The following CADM2 variants were observed in gnomAD, a reference collection of about 807,000 sequenced individuals.
CADM2 encodes immunoglobulin superfamily member 4D.
CADM2 carries 12 observed loss-of-function variants against 49.8 expected under a neutral mutation model. That is an observed-to-expected ratio of 0.24 (90% CI 0.15 to 0.39). CADM2 has a LOEUF of 0.39. Ranked by LOEUF, CADM2 falls within the 10% of genes least tolerant of loss-of-function variation. CADM2 has a pLI of 1.00. For missense variants in CADM2, 378 were observed against 492.3 expected (o/e 0.77, Z 2.20); for synonymous variants, 214 against 175.4 (o/e 1.22, Z -1.74).
chr3:85,345,400 A>G (rs1018714646), intron 1 of CADM2, among the ~76,000 whole-genome samples: 3 of 152,000 alleles, frequency 2.0e-5, no homozygotes, highest in Non-Finnish European at 4.4e-5. Context: ...AAAAACAAAA[A>G]ATTGAATCAC....
intron 1 of CADM2, among the ~76,000 whole-genome samples, chr3:85,281,102 A>G (rs1216807117): frequency 6.6e-6 from 1 of 151,920 alleles, no homozygotes; most frequent in African/African-American, 2.4e-5. Context: ...TGTAAAGACT[A>G]CACAAAATAC....
At chr3:85,278,305 C>G (rs1159049553) in intron 1 of CADM2, among the ~76,000 whole-genome samples, 1 of 151,392 alleles carries the variant, frequency 6.6e-6, no homozygotes, top group Non-Finnish European at 1.5e-5. Context: ...CATTCCCAGT[C>G]CCACCTCTAC....
At chr3:85,775,007 T>C (rs1455077140) in intron 2 of CADM2, among the ~76,000 whole-genome samples, 1 of 151,742 alleles carries the variant, frequency 6.6e-6, no homozygotes, top group African/African-American at 2.4e-5. Context: ...TACTTACATA[T>C]GCACACACAC....
At chr3:85,351,686 C>A (rs927987701) in intron 1 of CADM2, among the ~76,000 whole-genome samples, 1 of 152,046 alleles carries the variant, frequency 6.6e-6, no homozygotes, top group African/African-American at 2.4e-5. Flanking sequence ...TGTTTCTGGT[C>A]CTGAAAATTT....
At chr3:85,227,890 T>C (rs996800585) in intron 1 of CADM2, among the ~76,000 whole-genome samples, 1 of 152,192 alleles carries the variant, frequency 6.6e-6, no homozygotes, top group Non-Finnish European at 1.5e-5. Context: ...CTCCTTCACT[T>C]ATAAAGCTTA....
intron 6 of CADM2, among the ~76,000 whole-genome samples, chr3:85,919,399 G>A (rs530139094): frequency 2.0e-5 from 3 of 151,936 alleles, no homozygotes; most frequent in Non-Finnish European, 2.9e-5. Context: ...TGAAGGAAAG[G>A]AGGAAGGATG....
chr3:85,570,947 T>G (rs1300125743), intron 1 of CADM2, among the ~76,000 whole-genome samples: 2 of 151,964 alleles, frequency 1.3e-5, no homozygotes, highest in Non-Finnish European at 2.9e-5. Context: ...AACTACCTGA[T>G]TTTTTTTCAT....
chr3:85,983,469 A>G (rs1727708744), intron 8 of CADM2, among the ~76,000 whole-genome samples: 2 of 151,688 alleles, frequency 1.3e-5, no homozygotes, highest in Admixed American at 6.6e-5. Flanking sequence ...CAGTGTTTTC[A>G]TCAGAAAAAC....
At chr3:85,972,712 ACC>A (rs1726301039) in intron 8 of CADM2, among the ~76,000 whole-genome samples, 1 of 151,750 alleles carries the variant, frequency 6.6e-6, no homozygotes, top group Admixed American at 6.6e-5. Flanking sequence ...AACAGAACAT[ACC>A]TTTAACCTGA....
intron 1 of CADM2, among the ~76,000 whole-genome samples, chr3:85,084,266 T>C (rs2107507506): frequency 6.6e-6 from 1 of 152,306 alleles, no homozygotes; most frequent in South Asian, 2.1e-4. Flanking sequence ...CTTTCTATTT[T>C]CCCCTTAGAG....
At chr3:85,699,108 A>G (rs918047405) in intron 1 of CADM2, among the ~76,000 whole-genome samples, 19 of 152,186 alleles carry the variant, frequency 1.2e-4, no homozygotes, top group African/African-American at 4.6e-4. Context: ...TTAAACTTTA[A>G]TCTCCAAAAT....
intron 3 of CADM2, among the ~76,000 whole-genome samples, chr3:85,833,086 G>A (rs1306108672): frequency 6.6e-6 from 1 of 151,772 alleles, no homozygotes. Context: ...ACATAATTTT[G>A]TTTTAAATTC....
chr3:85,865,219 A>T (rs180724597), intron 3 of CADM2, among the ~76,000 whole-genome samples: 187 of 152,296 alleles, frequency 1.2e-3, no homozygotes, highest in Admixed American at 2.9e-3. Context: ...AGAACTTTCT[A>T]TGCCTGCTCC....
At chr3:85,749,921 G>A (rs1292391452) in intron 2 of CADM2, among the ~76,000 whole-genome samples, 1 of 151,814 alleles carries the variant, frequency 6.6e-6, no homozygotes, top group Admixed American at 6.6e-5. Flanking sequence ...CTTTGTGTAT[G>A]GTATTAGATT....
At chr3:85,307,734 A>G (rs914668156) in intron 1 of CADM2, among the ~76,000 whole-genome samples, 41 of 151,866 alleles carry the variant, frequency 2.7e-4, no homozygotes, top group African/African-American at 9.1e-4. Context: ...ATTATTAATT[A>G]TGCATAAATA....
At chr3:85,982,226 CT>C (rs35773946) in intron 8 of CADM2, among the ~76,000 whole-genome samples, 1 of 151,542 alleles carries the variant, frequency 6.6e-6, no homozygotes, top group Non-Finnish European at 1.5e-5. Flanking sequence ...GGTAAATTCA[CT>C]TTTTTTCAGG....
chr3:85,354,339 TCC>T (rs2031637029), intron 1 of CADM2, among the ~76,000 whole-genome samples: 2 of 110,308 alleles, frequency 1.8e-5, no homozygotes, highest in South Asian at 6.3e-4. Context: ...AACATCACAC[TCC>T]GGGGACTGTT....
At chr3:85,893,939 C>T (rs1377838848) in intron 5 of CADM2, among the ~76,000 whole-genome samples, 1 of 152,122 alleles carries the variant, frequency 6.6e-6, no homozygotes, top group Non-Finnish European at 1.5e-5. Context: ...GTCAGTGTGG[C>T]GATTCCTCAG....
At chr3:85,535,875 A>G (rs17516546) in intron 1 of CADM2, among the ~76,000 whole-genome samples, 77,699 of 151,800 alleles carry the variant, frequency 0.51, 22,943 homozygotes, top group East Asian at 0.85. Context: ...TAGATCAGGT[A>G]GCTGTCGTAT....
Sources: gnomAD v4.1 joint callset for allele counts (sites outside exome capture counted in the v4.1 genomes callset) on GRCh38, gnomAD v4.1.1 for gene constraint, MANE v1.5 for transcripts, NCBI Gene and HGNC (gene_info 2026-07-23, HGNC 2026-07-21) for gene names.